The following STX1B variants were observed in gnomAD, a reference collection of about 807,000 sequenced individuals.
STX1B encodes syntaxin-1B.
STX1B carries 7 observed loss-of-function variants against 39.4 expected under a neutral mutation model. That is an observed-to-expected ratio of 0.18 (90% CI 0.10 to 0.33). The LOEUF is 0.33. Ranked by LOEUF, STX1B falls within the 10% of genes least tolerant of loss-of-function variation. The pLI is 1.00. For missense variants in STX1B, 198 were observed against 383.2 expected (o/e 0.52, Z 4.04); for synonymous variants, 136 against 144.1 (o/e 0.94, Z 0.40).
intron 4 of STX1B, among the ~76,000 whole-genome samples, chr16:30,998,729 T>A (rs928956419): frequency 6.6e-6 from 1 of 152,204 alleles, no homozygotes; most frequent in African/African-American, 2.4e-5. Context: ...GGTCAGCTTC[T>A]CTAAACCACG....
intron 4 of STX1B, among the ~76,000 whole-genome samples, chr16:30,999,997 GTTCTT>G (rs2056615830): frequency 6.6e-6 from 1 of 150,680 alleles, no homozygotes; most frequent in South Asian, 2.1e-4. Context: ...GGATGGCAAA[GTTCTT>G]TTTTTTTTTT....
chr16:31,003,754 T>G (rs1403634343), intron 1 of STX1B, among the ~76,000 whole-genome samples: 1 of 152,220 alleles, frequency 6.6e-6, no homozygotes, highest in African/African-American at 2.4e-5. Flanking sequence ...CAAGTGTGGT[T>G]TATTTGGTAT....
chr16:31,007,656 T>C (rs1282828555), intron 1 of STX1B, among the ~76,000 whole-genome samples: 1 of 151,974 alleles, frequency 6.6e-6, no homozygotes, highest in East Asian at 1.9e-4. Context: ...ACAAGTCAGG[T>C]TTTTTTTACC....
At position 31,001,461 on chromosome 16, in the gene STX1B, G is replaced by C. The variant is rs2056628898; in HGVS notation, c.105+68C>G. The C allele has an allele frequency of 7.9e-7, 1 of 1,272,296 alleles. No individual in the cohort carries two copies. Among genetic ancestry groups the C allele is most frequent in the Non-Finnish European group, 1.1e-6 (1 of 914,212 alleles). 78.8% of individuals were successfully genotyped at this position (1,272,296 alleles called of 1,614,324 possible). A position where few individuals can be genotyped will look rare whatever the true frequency, so the allele number is the denominator to read the frequency against. On this transcript the variant is annotated intron_variant, in intron 2 of 9. Coordinates refer to ENST00000215095, the MANE Select transcript of STX1B (RefSeq NM_052874.5). The surrounding 1 kb of genome is among the most constrained non-coding windows in gnomAD (Gnocchi z 5.5). ...TGGGTGCCGGGGCTGAGGCTGGGCG[G>C]TGGGACTAGGGGCTGGGGCTGGGTG... is the stretch of plus-strand genomic sequence containing the variant.
chr16:30,996,670 A>C lies in STX1B; in HGVS notation c.537+13T>G, dbSNP rs763663299. ...ATTTTCCAAAAGCAGAGCCCGCCCCACCCGCGGCTCACGTCATCTGTGAAG... is the reference window on the plus strand; with the variant it reads ...ATTTTCCAAAAGCAGAGCCCGCCCCCCCCGCGGCTCACGTCATCTGTGAAG... On this transcript the variant is annotated intron_variant, in intron 7 of 9. Transcript: ENST00000215095. The C allele has an allele frequency of 6.2e-7, 1 of 1,612,252 alleles. No individual in the cohort carries two copies. The highest frequency in any genetic ancestry group is 8.5e-7 in the Non-Finnish European group (1 of 1,178,822).
chr16:30,993,198 C>G lies in STX1B; in HGVS notation c.718G>C (p.Val240Leu). The G allele has an allele frequency of 6.2e-7, 1 of 1,614,206 alleles. No homozygotes were observed. The highest frequency in any genetic ancestry group is 8.5e-7 in the Non-Finnish European group (1 of 1,180,038). ...GACACAGCTCGCTCCACGTAGTCCACAGAATGTTCCACGTTGTACTCGATG... is the reference window on the plus strand; with the variant it reads ...GACACAGCTCGCTCCACGTAGTCCAGAGAATGTTCCACGTTGTACTCGATG... ...DRIEYNVEHS[V>L]DYVERAVSDT... Residue 240 changes from valine to leucine, a missense_variant, in exon 9 of 10, where the codon GTG becomes CTG. Val to Leu is a conservative substitution (Grantham distance 32). Coordinates refer to ENST00000215095, the MANE Select transcript of STX1B (RefSeq NM_052874.5).
chr16:31,007,235 T>C (rs1257624846), intron 1 of STX1B, among the ~76,000 whole-genome samples: 2 of 152,184 alleles, frequency 1.3e-5, no homozygotes, highest in African/African-American at 4.8e-5. Context: ...AAGCACCTAC[T>C]GTGCCTGCCT....
chr16:31,002,483 C>T (rs576617914), intron 1 of STX1B, among the ~76,000 whole-genome samples: 34 of 152,198 alleles, frequency 2.2e-4, no homozygotes, highest in Non-Finnish European at 1.2e-4. Flanking sequence ...TTCACCCGCA[C>T]GCAGACTCAC....
intron 7 of STX1B, among the ~76,000 whole-genome samples, chr16:30,996,046 G>A (rs1451978302): frequency 6.6e-6 from 1 of 151,616 alleles, no homozygotes; most frequent in Non-Finnish European, 1.5e-5. Context: ...CGAGTGGTGG[G>A]CGCCTGTAAT....
chr16:31,005,357 C>T (rs955565866), intron 1 of STX1B, among the ~76,000 whole-genome samples: 4 of 151,978 alleles, frequency 2.6e-5, no homozygotes, highest in Admixed American at 1.3e-4. Flanking sequence ...TACAGGTGAA[C>T]GATTCAAGCC....
Position 30,990,167 on chromosome 16 carries a change from C to T in STX1B, c.*2654G>A, listed in dbSNP as rs61738725. 1,901 of 152,094 alleles carry T rather than the reference C, an allele frequency of 0.012. 29 individuals are homozygous for T. Among genetic ancestry groups the T allele is most frequent in the African/African-American group, 0.043 (1,805 of 41,540 alleles). The allele number at this position is 152,094 out of a possible 1,614,324, so 9.4% of individuals were successfully genotyped here. A position where few individuals can be genotyped will look rare whatever the true frequency, so the allele number is the denominator to read the frequency against. ...AGTGGTGCCCCAGCCACGCTTCAAC[C>T]CTTCTCCTGTGGCCCCAAGGCCGTG... On this transcript the variant is annotated 3_prime_UTR_variant, in exon 10 of 10. Coordinates refer to ENST00000215095, the MANE Select transcript of STX1B (RefSeq NM_052874.5).
chr16:30,996,519 T>G (rs1278221484), intron 7 of STX1B, 164 bp downstream of exon 7: 2 of 639,402 alleles, frequency 3.1e-6, no homozygotes, highest in Non-Finnish European at 5.5e-6. Context: ...CGTCATCTGA[T>G]GGGGGTGCCT....
At chr16:30,994,579 G>C (rs2056581701) in intron 7 of STX1B, among the ~76,000 whole-genome samples, 1 of 149,014 alleles carries the variant, frequency 6.7e-6, no homozygotes, top group Non-Finnish European at 1.5e-5. Flanking sequence ...CACAGAGTGA[G>C]ACCATGCTGA....
chr16:31,004,123 T>C (rs1383074243), intron 1 of STX1B, among the ~76,000 whole-genome samples: 4 of 152,228 alleles, frequency 2.6e-5, no homozygotes, highest in Admixed American at 6.5e-5. Flanking sequence ...CCGGACAACC[T>C]AGCAAAACAA....
At chr16:31,003,035 T>C (rs570580311) in intron 1 of STX1B, among the ~76,000 whole-genome samples, 35 of 152,192 alleles carry the variant, frequency 2.3e-4, no homozygotes, top group Non-Finnish European at 4.4e-4. Flanking sequence ...CAGGGCCAGA[T>C]GGGACCTAGG....
Position 31,001,446 on chromosome 16 carries a change from G to T in STX1B, c.105+83C>A. The T allele has an allele frequency of 8.8e-7, 1 of 1,135,236 alleles. No homozygotes were observed. The highest frequency in any genetic ancestry group is 2.9e-4 in the Middle Eastern group (1 of 3,422). The allele number at this position is 1,135,236 out of a possible 1,614,324, so 70.3% of individuals were successfully genotyped here. On this transcript the variant is annotated intron_variant, in intron 2 of 9. Transcript: ENST00000215095. The surrounding 1 kb of genome is among the most constrained non-coding windows in gnomAD (Gnocchi z 5.5). ...TGCTGGGGCTGGGGCTGGGTGCCGG[G>T]GCTGAGGCTGGGCGGTGGGACTAGG...
Position 30,996,675 on chromosome 16 carries a change from C to G in STX1B, c.537+8G>C, listed in dbSNP as rs964395687. The stretch of plus-strand genomic sequence containing the variant: ...CCAAAAGCAGAGCCCGCCCCACCCG[C>G]GGCTCACGTCATCTGTGAAGATGGC... On this transcript the variant is annotated splice_region_variant and intron_variant, in intron 7 of 9. Coordinates refer to ENST00000215095, the MANE Select transcript of STX1B (RefSeq NM_052874.5). 6.2e-7 allele frequency: 1 copy of G among 1,612,870 alleles called. No homozygotes were observed. The highest frequency in any genetic ancestry group is 8.5e-7 in the Non-Finnish European group (1 of 1,179,032).
Position 30,992,692 on chromosome 16 carries a change from T to TC in STX1B, c.*128_*129insG. On this transcript the variant is annotated 3_prime_UTR_variant, in exon 10 of 10. Transcript: ENST00000215095. Reference sequence around the variant, plus strand: ...GGTCCAGGGACACCAGGGTCTGCCGTGGGGGTGGGGCTGCCTGGGTCTGTT... The same window carrying TC: ...GGTCCAGGGACACCAGGGTCTGCCGTCGGGGGTGGGGCTGCCTGGGTCTGTT... The TC allele has an allele frequency of 4.6e-6, 2 of 434,316 alleles. No individual in the cohort carries two copies. Among genetic ancestry groups the TC allele is most frequent in the Non-Finnish European group, 7.9e-6 (2 of 254,760 alleles). 26.9% of individuals were successfully genotyped at this position (434,316 alleles called of 1,614,324 possible). A position where few individuals can be genotyped will look rare whatever the true frequency, so the allele number is the denominator to read the frequency against.
intron 4 of STX1B, among the ~76,000 whole-genome samples, chr16:30,999,116 G>A (rs1346474647): frequency 6.6e-6 from 1 of 152,186 alleles, no homozygotes; most frequent in African/African-American, 2.4e-5. Flanking sequence ...TACTGATAAG[G>A]AAGCTGAGAG....
Sources: allele counts gnomAD v4.1 joint callset (sites outside exome capture counted in the v4.1 genomes callset), GRCh38; gene constraint gnomAD v4.1.1; non-coding constraint Gnocchi (gnomAD v3.1); transcripts MANE v1.5; gene names NCBI Gene and HGNC (gene_info 2026-07-23, HGNC 2026-07-21).